The following PCDH9 variants were observed in gnomAD, a reference collection of about 807,000 sequenced individuals.
The protein encoded by PCDH9 is protocadherin 9.
A neutral mutation model predicts 70.6 loss-of-function variants in PCDH9; 24 were observed. The observed-to-expected ratio is 0.34, with a 90% CI of 0.25 to 0.48. The LOEUF (loss-of-function observed/expected upper bound fraction) is 0.48. PCDH9 is among the 20% of genes least tolerant of loss of function. The pLI is 0.99. For synonymous variants in PCDH9, 562 were observed against 558.5 expected, an observed-to-expected ratio of 1.01 and a Z score of -0.09; for missense variants, 1,281 against 1,503.6, an observed-to-expected ratio of 0.85 and a Z score of 2.45.
At chr13:67,143,847 C>T (rs2087456665) in intron 2 of PCDH9, among the ~76,000 whole-genome samples, 1 of 152,028 alleles carries the variant, frequency 6.6e-6, no homozygotes, top group South Asian at 2.1e-4. Flanking sequence ...TTAAAGTGTT[C>T]GCAGTAGTTA....
At chr13:66,418,187 G>A (rs1277222878) in intron 4 of PCDH9, among the ~76,000 whole-genome samples, 1 of 152,110 alleles carries the variant, frequency 6.6e-6, no homozygotes, top group Non-Finnish European at 1.5e-5. Context: ...TTTTGTATAA[G>A]GTCTAAGGAA....
chr13:67,118,837 T>C (rs954292226), intron 2 of PCDH9, among the ~76,000 whole-genome samples: 1 of 152,148 alleles, frequency 6.6e-6, no homozygotes, highest in Non-Finnish European at 1.5e-5. Context: ...TAACAAATAA[T>C]TTTCTGGATG....
At chr13:66,558,746 T>G (rs1961859704) in intron 4 of PCDH9, among the ~76,000 whole-genome samples, 1 of 152,046 alleles carries the variant, frequency 6.6e-6, no homozygotes, top group Non-Finnish European at 1.5e-5. Flanking sequence ...TGGAAGATGC[T>G]GGGTTCCCTT....
intron 2 of PCDH9, among the ~76,000 whole-genome samples, chr13:67,105,963 T>C (rs1288238990): frequency 2.0e-5 from 3 of 151,548 alleles, no homozygotes; most frequent in African/African-American, 7.3e-5. Context: ...GTTTATAGTG[T>C]AGGAAAGAAA....
At chr13:66,510,044 G>A (rs535055212) in intron 4 of PCDH9, among the ~76,000 whole-genome samples, 1 of 152,212 alleles carries the variant, frequency 6.6e-6, no homozygotes, top group African/African-American at 2.4e-5. Flanking sequence ...CAGGACCCCA[G>A]TGATTTTTTG....
intron 4 of PCDH9, among the ~76,000 whole-genome samples, chr13:66,467,194 T>G (rs185605792): frequency 6.6e-6 from 1 of 152,120 alleles, no homozygotes; most frequent in Non-Finnish European, 1.5e-5. Flanking sequence ...GATGTTTAGA[T>G]GTTTTAGATG....
intron 3 of PCDH9, among the ~76,000 whole-genome samples, chr13:66,736,873 T>A (rs1298525316): frequency 1.3e-5 from 2 of 152,154 alleles, no homozygotes; most frequent in East Asian, 3.9e-4. Flanking sequence ...AACTAACAAC[T>A]CTATCTTCCA....
chr13:66,340,422 G>T (rs1164173716), intron 4 of PCDH9, among the ~76,000 whole-genome samples: 5 of 152,140 alleles, frequency 3.3e-5, no homozygotes, highest in Admixed American at 3.3e-4. Flanking sequence ...GGGCTTAAAT[G>T]AATTTGGGCA....
chr13:66,665,681 C>T (rs557374672), intron 3 of PCDH9, among the ~76,000 whole-genome samples: 2 of 152,050 alleles, frequency 1.3e-5, no homozygotes, highest in East Asian at 3.9e-4. Flanking sequence ...TTAATGTGGT[C>T]ATCTTATGTT....
intron 3 of PCDH9, among the ~76,000 whole-genome samples, chr13:66,862,210 G>T (rs1451370919): frequency 3.9e-5 from 6 of 152,138 alleles, no homozygotes; most frequent in Non-Finnish European, 7.4e-5. Context: ...TTGGAGAAAG[G>T]GATGGTGCAT....
At chr13:66,541,498 C>T (rs372069832) in intron 4 of PCDH9, among the ~76,000 whole-genome samples, 2 of 152,264 alleles carry the variant, frequency 1.3e-5, no homozygotes, top group East Asian at 3.9e-4. Context: ...TTCCTTGCCT[C>T]TTTTAATTGT....
chr13:67,003,597 G>T (rs1032898325), intron 2 of PCDH9, among the ~76,000 whole-genome samples: 2 of 152,086 alleles, frequency 1.3e-5, no homozygotes, highest in African/African-American at 4.8e-5. Context: ...TCGGGACTTT[G>T]AATGTACCTG....
rs148557863 is a variant in PCDH9, at chr13:66,406,035, G to A, written c.3341-101007C>T. Among the ~76,000 whole-genome samples the A allele has an allele frequency of 6.8e-3, 1,037 of 152,276 alleles. 4 individuals are homozygous for A. Among genetic ancestry groups the A allele is most frequent in the Non-Finnish European group, 0.01 (704 of 68,016 alleles). On this transcript the variant is annotated intron_variant, in intron 4 of 4. Transcript: ENST00000377865. ...TGTTCTGTGGTTTTGTTGCCAGAGT[G>A]CTGTATTTATGAAGAAGTTAGCTGA...
intron 2 of PCDH9, among the ~76,000 whole-genome samples, chr13:66,923,977 G>A (rs989624148): frequency 6.6e-6 from 1 of 151,552 alleles, no homozygotes; most frequent in African/African-American, 2.4e-5. Flanking sequence ...ATCCTGCTGC[G>A]GCATTTATTC....
At chr13:66,689,746 C>T (rs12877610) in intron 3 of PCDH9, among the ~76,000 whole-genome samples, 48,698 of 151,756 alleles carry the variant, frequency 0.32, 8,551 homozygotes, top group East Asian at 0.51. Context: ...AATAGACAAC[C>T]GCAGGCTGAG....
intron 2 of PCDH9, chr13:67,222,844 C>T (rs1472773294): frequency 6.6e-6 from 1 of 152,120 alleles, no homozygotes; most frequent in Non-Finnish European, 1.5e-5. Context: ...AGATAGCAAT[C>T]ATACAGTTCA....
rs138496502 is a variant in PCDH9 at position 66,992,137 on chromosome 13, C to T, written c.3037-88532G>A. ...CTACATAATGTTTTATGACTGGTGACCTAGCAGTGAGCACATTATAACCAG... is the reference window on the plus strand; with the variant it reads ...CTACATAATGTTTTATGACTGGTGATCTAGCAGTGAGCACATTATAACCAG... On this transcript the variant is annotated intron_variant, in intron 2 of 4. Coordinates refer to ENST00000377865, the MANE Select transcript of PCDH9 (RefSeq NM_203487.3). Among the ~76,000 whole-genome samples, 213 of 152,028 alleles carry T rather than the reference C, an allele frequency of 1.4e-3. 3 individuals carry two copies. The East Asian group carries it at 0.034, about 24-fold the overall frequency.
intron 4 of PCDH9, among the ~76,000 whole-genome samples, chr13:66,461,369 A>T (rs1376571930): frequency 6.6e-6 from 1 of 151,856 alleles, no homozygotes; most frequent in Non-Finnish European, 1.5e-5. Flanking sequence ...TTCTATTCTC[A>T]GACTTCACTG....
intron 2 of PCDH9, among the ~76,000 whole-genome samples, chr13:67,047,561 C>T (rs1242056915): frequency 6.6e-6 from 1 of 152,132 alleles, no homozygotes; most frequent in Non-Finnish European, 1.5e-5. Flanking sequence ...CCCCACTCTG[C>T]TGCCTATGAA....
Sources: gnomAD v4.1 joint callset for allele counts (sites outside exome capture counted in the v4.1 genomes callset) on GRCh38, gnomAD v4.1.1 for gene constraint, MANE v1.5 for transcripts, NCBI Gene and HGNC (gene_info 2026-07-23, HGNC 2026-07-21) for gene names.